Variants in GLB1 observed in about 807,000 individuals in gnomAD.
GLB1 encodes the protein galactosidase beta 1, also known as beta-galactosidase.
In GLB1, 56 loss-of-function variants were observed where a neutral mutation model predicts 74.0. That is an observed-to-expected ratio of 0.76 (90% CI 0.61 to 0.94). The LOEUF is 0.94. GLB1 is among the 40% of genes least tolerant of loss of function. The pLI is 0.00. For synonymous variants in GLB1, 323 were observed against 323.6 expected, an observed-to-expected ratio of 1.00 and a Z score of 0.02; for missense variants, 787 against 845.5, an observed-to-expected ratio of 0.93 and a Z score of 0.86.
At chr3:33,088,411 A>ACACACACACAC (rs1700618119) in intron 1 of GLB1, among the ~76,000 whole-genome samples, 1 of 139,866 alleles carries the variant, frequency 7.1e-6, no homozygotes, top group Non-Finnish European at 1.6e-5. Context: ...ACACACACAC[A>ACACACACACAC]AACTGTTAGA....
At chr3:33,045,648 T>C (rs1392255235) in intron 10 of GLB1, 7 of 994,918 alleles carry the variant, frequency 7.0e-6, no homozygotes, top group Admixed American at 5.4e-5. Context: ...TCTTTTGATA[T>C]TGAAGTACAT....
intron 10 of GLB1, among the ~76,000 whole-genome samples, chr3:33,037,533 C>T (rs956339094): frequency 2.0e-5 from 3 of 152,142 alleles, no homozygotes; most frequent in Admixed American, 2.0e-4. Context: ...AATCAGTAGT[C>T]CTGGCTGATA....
the GLB1 span, among the ~76,000 whole-genome samples, chr3:32,984,207 G>T: frequency 6.6e-6 from 1 of 152,058 alleles, no homozygotes; most frequent in Non-Finnish European, 1.5e-5. Flanking sequence ...TCAGGGATGG[G>T]TTGTTAGTTA....
downstream of GLB1, among the ~76,000 whole-genome samples, chr3:32,993,204 G>C (rs752976360): frequency 2.1e-4 from 32 of 152,152 alleles, no homozygotes; most frequent in South Asian, 4.1e-4. Flanking sequence ...CCCCACCTCG[G>C]ATTAGCATTA....
rs1258373825 is a variant in GLB1, at chr3:33,014,142, C to A, written c.1648G>T (p.Ala550Ser). The change falls in exon 15 of 16, where the codon GCC (alanine) becomes TCC (serine). Residue 550 changes from alanine (A) to serine (S), a missense_variant. Ala to Ser is a moderately conservative substitution (Grantham distance 99). Transcript: ENST00000307363. ...AHNSSNYTLP[A>S]FYMGNFSIPS... is the part of the protein sequence containing the mutation. ...ATGGAGAAGTTCCCCATATAAAAGG[C>A]CGGGAGCGTGTAGTTGGATGAGTTG... The A allele has an allele frequency of 1.2e-6, 2 of 1,614,126 alleles. No individual in the cohort carries two copies. The highest frequency in any genetic ancestry group is 2.2e-5 in the South Asian group (2 of 91,072).
chr3:33,090,233 T>C (rs1382578394), intron 1 of GLB1, among the ~76,000 whole-genome samples: 2 of 152,224 alleles, frequency 1.3e-5, no homozygotes, highest in African/African-American at 4.8e-5. Flanking sequence ...TGGGGTAACA[T>C]TATGTTTTCT....
chr3:33,093,734 GC>G lies in GLB1; in HGVS notation c.75+3276del. The stretch of plus-strand genomic sequence containing the variant: ...CGAGCTTCCTTGTCTTCTCAAGGCT[GC>G]CCACGACCCTACCACTGCGCCAGGC... On this transcript the variant is annotated intron_variant, in intron 1 of 15. Coordinates refer to ENST00000307363, the MANE Select transcript of GLB1 (RefSeq NM_000404.4). The surrounding 1 kb of genome is among the most constrained non-coding windows in gnomAD (Gnocchi z 6.0). 5 of 1,613,836 alleles carry G rather than the reference GC, an allele frequency of 3.1e-6. No individual in the cohort carries two copies. Among genetic ancestry groups the G allele is most frequent in the Non-Finnish European group, 4.2e-6 (5 of 1,179,892 alleles).
intron 1 of GLB1, among the ~76,000 whole-genome samples, chr3:33,095,313 C>G (rs1427899058): frequency 6.6e-6 from 1 of 150,782 alleles, no homozygotes; most frequent in Non-Finnish European, 1.5e-5. Context: ...GTCAGGAGAT[C>G]GAGACCATCC....
In GLB1 at chr3:32,996,854, C is replaced by T. The variant is rs1696322809; in HGVS notation, c.*191G>A. On this transcript the variant is annotated 3_prime_UTR_variant, in exon 16 of 16. Coordinates refer to ENST00000307363, the MANE Select transcript of GLB1 (RefSeq NM_000404.4). ...TATGCACGTTACTGTGCTGTCAGCC[C>T]CTCACACATTCCAGGTGGTCCCTGA... 5.2e-6 allele frequency: 5 copies of T among 963,392 alleles called. No individual in the cohort carries two copies. In the South Asian group the frequency reaches 8.1e-5, roughly 16 times the overall value. 59.7% of individuals were successfully genotyped at this position (963,392 alleles called of 1,614,324 possible). A position where few individuals can be genotyped will look rare whatever the true frequency, so the allele number is the denominator to read the frequency against.
chr3:32,993,492 A>G (rs1175231411), downstream of GLB1, among the ~76,000 whole-genome samples: 2 of 145,864 alleles, frequency 1.4e-5, no homozygotes, highest in African/African-American at 5.1e-5. Flanking sequence ...AGTAGCTAGG[A>G]CTACAGGCAT....
chr3:32,984,898 C>T, the GLB1 span, among the ~76,000 whole-genome samples: 1 of 150,806 alleles, frequency 6.6e-6, no homozygotes, highest in African/African-American at 2.4e-5. Flanking sequence ...GCTGAGATCG[C>T]GCCACTGCAC....
At position 33,018,485 on chromosome 3, in the gene GLB1, T is replaced by G. The variant is rs202237232; in HGVS notation, c.1310A>C (p.Asn437Thr). ...SNPAPLSSPL[N>T]GVHDRAYVAV... ...AACATATGCTCGATCGTGGACTCCA[T>G]TGAGGGGTGAAGAGAGAGGTGCTGG... Residue 437 changes from asparagine (N) to threonine (T), a missense_variant, in exon 13 of 16, where the codon AAT becomes ACT. Asn to Thr is a moderately conservative substitution (Grantham distance 65). Transcript: ENST00000307363. The G allele has an allele frequency of 6.2e-7, 1 of 1,613,862 alleles. No individual in the cohort carries two copies.
chr3:33,084,593 C>T (rs1219715426), intron 1 of GLB1, among the ~76,000 whole-genome samples: 1 of 152,138 alleles, frequency 6.6e-6, no homozygotes, highest in African/African-American at 2.4e-5. Flanking sequence ...GAAGGCAAAT[C>T]GCAATGGAAG....
intron 1 of GLB1, among the ~76,000 whole-genome samples, chr3:33,077,683 C>CT (rs34139339): frequency 0.63 from 92,764 of 147,124 alleles, 29,473 homozygotes; most frequent in African/African-American, 0.73. Context: ...AAGTATATTA[C>CT]TTTTTTTTTT....
chr3:33,091,616 GA>G (rs1700765882), intron 1 of GLB1: 2 of 983,910 alleles, frequency 2.0e-6, no homozygotes, highest in Non-Finnish European at 2.4e-6. Flanking sequence ...GATCCCTCCT[GA>G]CAAAACAATC....
chr3:33,096,342 T>C (rs1701025874), intron 1 of GLB1: 2 of 968,208 alleles, frequency 2.1e-6, no homozygotes, highest in Non-Finnish European at 2.5e-6. Flanking sequence ...ACCTCACCTA[T>C]TCGCCTCGCC....
chr3:33,041,727 T>A (rs1481564651), intron 10 of GLB1, among the ~76,000 whole-genome samples: 1 of 146,342 alleles, frequency 6.8e-6, no homozygotes, highest in East Asian at 2.0e-4. Flanking sequence ...GAAAAAAAAA[T>A]TTTCAGACAA....
chr3:33,092,546 G>T, intron 1 of GLB1: 1 of 1,175,094 alleles, frequency 8.5e-7, no homozygotes, highest in Non-Finnish European at 1.1e-6. Flanking sequence ...TGCAGGAGAA[G>T]GTCCCCATTC....
At chr3:32,982,703 T>C in the GLB1 span, among the ~76,000 whole-genome samples, 1 of 152,206 alleles carries the variant, frequency 6.6e-6, no homozygotes, top group South Asian at 2.1e-4. Context: ...TATACACAGG[T>C]TTACCACTCT....
Sources: gnomAD v4.1 joint callset for allele counts (sites outside exome capture counted in the v4.1 genomes callset) on GRCh38, gnomAD v4.1.1 for gene constraint, Gnocchi (gnomAD v3.1) non-coding constraint, MANE v1.5 for transcripts, NCBI Gene and HGNC (gene_info 2026-07-23, HGNC 2026-07-21) for gene names.